The following PCDHA12 variants were observed in gnomAD, a reference collection of about 807,000 sequenced individuals.
The protein encoded by PCDHA12 is protocadherin alpha 12.
PCDHA12 carries 44 observed loss-of-function variants against 60.0 expected under a neutral mutation model. The observed-to-expected ratio is 0.73, with a 90% CI of 0.58 to 0.94. PCDHA12 has a LOEUF of 0.94. Ranked by LOEUF, PCDHA12 falls within the 40% of genes least tolerant of loss-of-function variation. PCDHA12 has a pLI of 0.00. For synonymous variants in PCDHA12, 569 were observed against 553.0 expected, an observed-to-expected ratio of 1.03 and a Z score of -0.40; for missense variants, 1,276 against 1,239.7, an observed-to-expected ratio of 1.03 and a Z score of -0.44.
intron 3 of PCDHA12, among the ~76,000 whole-genome samples, chr5:141,001,813 G>A (rs782384459): frequency 2.6e-5 from 4 of 152,172 alleles, no homozygotes; most frequent in Non-Finnish European, 4.4e-5. Flanking sequence ...TCTACAATCG[G>A]CCAAATTCTG....
At chr5:140,963,275 A>G (rs2095752915) in intron 1 of PCDHA12, among the ~76,000 whole-genome samples, 1 of 152,160 alleles carries the variant, frequency 6.6e-6, no homozygotes, top group Non-Finnish European at 1.5e-5. Flanking sequence ...AAATGTATGT[A>G]AGATTTTATA....
chr5:140,989,609 T>C (rs782186182), intron 3 of PCDHA12, among the ~76,000 whole-genome samples: 4 of 152,178 alleles, frequency 2.6e-5, no homozygotes, highest in Non-Finnish European at 5.9e-5. Flanking sequence ...AAACTAAAAA[T>C]GAAAGTCTGT....
chr5:140,951,210 G>C (rs541010152), intron 1 of PCDHA12, among the ~76,000 whole-genome samples: 4 of 151,862 alleles, frequency 2.6e-5, no homozygotes, highest in African/African-American at 9.7e-5. Flanking sequence ...TGTCATCTCA[G>C]GTTTGGATTC....
intron 2 of PCDHA12, among the ~76,000 whole-genome samples, chr5:140,980,525 G>C (rs1554241939): frequency 6.6e-6 from 1 of 152,166 alleles, no homozygotes; most frequent in African/African-American, 2.4e-5. Context: ...AGCTACTAGG[G>C]AGGCTGAGGC....
At chr5:140,969,057 T>G in intron 1 of PCDHA12, 2 of 1,614,162 alleles carry the variant, frequency 1.2e-6, no homozygotes, top group Non-Finnish European at 1.7e-6. Context: ...AACAACAATA[T>G]TGATGCCAGG....
In PCDHA12 at chr5:140,876,784, A is replaced by T. The variant is rs1336979041; in HGVS notation, c.1312A>T (p.Thr438Ser). 1 of 1,614,094 alleles carries T rather than the reference A, an allele frequency of 6.2e-7. No homozygotes were observed. Among genetic ancestry groups the T allele is most frequent in the Non-Finnish European group, 8.5e-7 (1 of 1,180,038 alleles). ...TGGGGGCTCGCCTTCGCTGTGGGCC[A>T]CGGCTAGAGTGTCCGTGGAGGTGGC... Reference protein sequence around the residue: ...RDGGSPSLWATARVSVEVADV... With the variant: ...RDGGSPSLWASARVSVEVADV... Residue 438 changes from threonine to serine, a missense_variant, in exon 1 of 4, where the codon ACG becomes TCG. Thr to Ser is a moderately conservative substitution (Grantham distance 58). Coordinates refer to ENST00000398631, the MANE Select transcript of PCDHA12 (RefSeq NM_018903.4).
At chr5:140,944,818 T>G (rs1490682721) in intron 1 of PCDHA12, among the ~76,000 whole-genome samples, 1 of 152,236 alleles carries the variant, frequency 6.6e-6, no homozygotes, top group East Asian at 1.9e-4. Context: ...CAGTGATCTT[T>G]GCCCCATAAT....
chr5:140,985,283 A>G (rs955144760), intron 3 of PCDHA12, among the ~76,000 whole-genome samples: 6 of 152,020 alleles, frequency 3.9e-5, no homozygotes, highest in Admixed American at 1.3e-4. Context: ...TCTGCAATCT[A>G]TGATATAGTG....
At chr5:140,941,099 TATTACTGG>T (rs1174229664) in intron 1 of PCDHA12, among the ~76,000 whole-genome samples, 5 of 152,146 alleles carry the variant, frequency 3.3e-5, no homozygotes, top group Non-Finnish European at 1.5e-5. Context: ...TTTCACATAC[TATTACTGG>T]AAAGATTAGT....
chr5:140,905,617 G>T (rs1019062717), intron 1 of PCDHA12, among the ~76,000 whole-genome samples: 8 of 152,116 alleles, frequency 5.3e-5, no homozygotes, highest in Non-Finnish European at 1.5e-5. Context: ...TCTATAGATT[G>T]CTTTTGACAG....
At chr5:140,968,776 A>C in intron 1 of PCDHA12, 1 of 1,614,200 alleles carries the variant, frequency 6.2e-7, no homozygotes, top group Non-Finnish European at 8.5e-7. Flanking sequence ...AGCCATCACT[A>C]TCAGCCTCTG....
At chr5:140,917,206 T>G (rs1313611985) in intron 1 of PCDHA12, among the ~76,000 whole-genome samples, 1 of 152,104 alleles carries the variant, frequency 6.6e-6, no homozygotes, top group Admixed American at 6.5e-5. Context: ...CCCTCTTCAA[T>G]GCCTCTTTTA....
At chr5:141,000,103 G>A (rs551643743) in intron 3 of PCDHA12, among the ~76,000 whole-genome samples, 15 of 152,186 alleles carry the variant, frequency 9.9e-5, no homozygotes, top group Admixed American at 5.2e-4. Context: ...GCTCAACTCC[G>A]TCTCTTCCCT....
chr5:140,965,924 C>A (rs548082207), intron 1 of PCDHA12, among the ~76,000 whole-genome samples: 1 of 152,212 alleles, frequency 6.6e-6, no homozygotes, highest in Non-Finnish European at 1.5e-5. Context: ...TTTAGGCTTG[C>A]TCCCGGAAAG....
At position 140,933,888 on chromosome 5, in the gene PCDHA12, T is replaced by C. The variant is rs148048721; in HGVS notation, c.2368-45061T>C. On this transcript the variant is annotated intron_variant, in intron 1 of 3. Transcript: ENST00000398631. ...ATATATGTTAGTTTTATCTGTACTTTTGAATATTTTGGCATAAAGTTGTTT... is the reference window on the plus strand; with the variant it reads ...ATATATGTTAGTTTTATCTGTACTTCTGAATATTTTGGCATAAAGTTGTTT... Among the ~76,000 whole-genome samples the C allele has an allele frequency of 7.7e-3, 1,170 of 152,222 alleles. 4 individuals are homozygous for C. Among genetic ancestry groups the C allele is most frequent in the Admixed American group, 0.013 (200 of 15,288 alleles).
chr5:141,009,825 T>A lies in PCDHA12; in HGVS notation c.2714T>A (p.Ile905Lys). ...AGCCAAATTGACAAAAGTGACTTCA[T>A]AACCTTCGGCAAAAAGGAGGAGACC... ...TNSQIDKSDF[I>K]TFGKKEETKK... is the part of the protein sequence containing the mutation. The change falls in exon 4 of 4, where the codon ATA (isoleucine) becomes AAA (lysine). Residue 905 changes from isoleucine to lysine, a missense_variant. Physicochemically the swap from Ile to Lys is moderately radical, Grantham distance 102. Coordinates refer to ENST00000398631, the MANE Select transcript of PCDHA12 (RefSeq NM_018903.4). 2 of 1,613,774 alleles carry A rather than the reference T, an allele frequency of 1.2e-6. No homozygotes were observed.
At chr5:140,980,358 G>A (rs143597147) in intron 2 of PCDHA12, among the ~76,000 whole-genome samples, 260 of 152,274 alleles carry the variant, frequency 1.7e-3, no homozygotes, top group South Asian at 0.014. Context: ...TGGACTGGGC[G>A]CGGTGGCTCA....
chr5:140,903,290 G>A (rs1554190896), intron 1 of PCDHA12, among the ~76,000 whole-genome samples: 3 of 152,016 alleles, frequency 2.0e-5, no homozygotes, highest in African/African-American at 7.3e-5. Flanking sequence ...TTGTGCATTA[G>A]GAAATTTAGT....
chr5:140,913,965 A>G (rs1228834396), intron 1 of PCDHA12, among the ~76,000 whole-genome samples: 7 of 152,300 alleles, frequency 4.6e-5, no homozygotes, highest in Admixed American at 2.6e-4. Flanking sequence ...ATTTTTAAAA[A>G]AATATTTTAG....
Sources: allele counts gnomAD v4.1 joint callset (sites outside exome capture counted in the v4.1 genomes callset), GRCh38; gene constraint gnomAD v4.1.1; transcripts MANE v1.5; gene names NCBI Gene and HGNC (gene_info 2026-07-23, HGNC 2026-07-21).